The following TUBD1 variants were observed in gnomAD, a reference collection of about 807,000 sequenced individuals.
The protein encoded by TUBD1 is tubulin delta 1.
A neutral mutation model predicts 51.2 loss-of-function variants in TUBD1; 38 were observed. The ratio of observed to expected loss-of-function variants is 0.74; its 90% CI spans 0.57 to 0.97. The LOEUF is 0.97. Ranked by LOEUF, TUBD1 falls within the 50% of genes least tolerant of loss-of-function variation. TUBD1 has a pLI of 0.00. For missense variants in TUBD1, 489 were observed against 538.4 expected (o/e 0.91, Z 0.91); for synonymous variants, 169 against 178.2 (o/e 0.95, Z 0.41).
intron 5 of TUBD1, among the ~76,000 whole-genome samples, chr17:59,877,105 C>T (rs2057999106): frequency 6.6e-6 from 1 of 152,106 alleles, no homozygotes; most frequent in Admixed American, 6.6e-5. Context: ...GGTGATCCAC[C>T]CTCCTCAGCC....
chr17:59,871,474 A>G (rs2039980011), intron 6 of TUBD1, among the ~76,000 whole-genome samples: 1 of 152,172 alleles, frequency 6.6e-6, no homozygotes, highest in Non-Finnish European at 1.5e-5. Context: ...CTGGGATTAC[A>G]GGTGTGAGCC....
chr17:59,871,915 C>A (rs1003681797), intron 6 of TUBD1, among the ~76,000 whole-genome samples: 1 of 151,802 alleles, frequency 6.6e-6, no homozygotes. Context: ...CCTGCCTCAC[C>A]CTCCCAAGTA....
chr17:59,870,290 C>T (rs1268107975), intron 6 of TUBD1, among the ~76,000 whole-genome samples: 2 of 142,650 alleles, frequency 1.4e-5, no homozygotes, highest in Non-Finnish European at 3.0e-5. Context: ...GGAGGATCAC[C>T]TGAACCTGGG....
intron 3 of TUBD1, 106 bp from the exon 4 acceptor site, chr17:59,881,216 A>G (rs2040475678): frequency 5.5e-6 from 5 of 904,016 alleles, no homozygotes; most frequent in Non-Finnish European, 8.5e-6. Flanking sequence ...AAAACTACGG[A>G]AGTGAAGGAA....
At chr17:59,883,149 G>A (rs1269854980) in intron 3 of TUBD1, among the ~76,000 whole-genome samples, 5 of 151,788 alleles carry the variant, frequency 3.3e-5, no homozygotes, top group Non-Finnish European at 5.9e-5. Context: ...AAGCTGGAGT[G>A]CCGTGGCACA....
Position 59,886,575 on chromosome 17 carries a change from A to G in TUBD1, c.173-345T>C, listed in dbSNP as rs116893626. 2.3e-3 allele frequency: 328 copies of G among 145,626 alleles called. 9 individuals carry two copies. In the East Asian group the frequency reaches 0.066, roughly 29 times the overall value. 9.0% of individuals were successfully genotyped at this position (145,626 alleles called of 1,614,324 possible). A position where few individuals can be genotyped will look rare whatever the true frequency, so the allele number is the denominator to read the frequency against. Reference sequence around the variant, plus strand: ...AACCTGGAAGGCGGAGGTTGCACTGAGCCAAGGTTGCACCACTGCACTCCA... The same window carrying G: ...AACCTGGAAGGCGGAGGTTGCACTGGGCCAAGGTTGCACCACTGCACTCCA... On this transcript the variant is annotated intron_variant, in intron 2 of 8. Transcript: ENST00000325752.
chr17:59,863,662 A>T lies in TUBD1; in HGVS notation c.1259+2T>A. 8 of 1,540,072 alleles carry T rather than the reference A, an allele frequency of 5.2e-6. No individual in the cohort carries two copies. The highest frequency in any genetic ancestry group is 7.0e-6 in the Non-Finnish European group (8 of 1,150,382). On this transcript the variant is annotated splice_donor_variant, in intron 8 of 8. Transcript: ENST00000325752. LOFTEE classifies it high-confidence loss of function. ...AGGTTTGTAGACTTATTTTATACTTACTTTGAAGCAAACATATTCCATGCC... is the reference window on the plus strand; with the variant it reads ...AGGTTTGTAGACTTATTTTATACTTTCTTTGAAGCAAACATATTCCATGCC...
chr17:59,892,172 G>GT (rs1256262392), intron 1 of TUBD1, among the ~76,000 whole-genome samples: 1 of 152,176 alleles, frequency 6.6e-6, no homozygotes. Flanking sequence ...GGTAACTTTA[G>GT]TAAGACCTGT....
chr17:59,885,659 A>G, intron 3 of TUBD1: 1 of 615,836 alleles, frequency 1.6e-6, no homozygotes, highest in Non-Finnish European at 2.8e-6. Flanking sequence ...GGTTAAAAAA[A>G]CAAAACAAAA....
intron 3 of TUBD1, chr17:59,884,838 G>A (rs2040646447): frequency 6.0e-6 from 1 of 167,156 alleles, no homozygotes; most frequent in Admixed American, 6.2e-5. Flanking sequence ...CAGGATAATT[G>A]CTTGAACCCA....
intron 5 of TUBD1, among the ~76,000 whole-genome samples, chr17:59,876,348 GT>G (rs1279697643): frequency 1.5e-5 from 2 of 137,134 alleles, no homozygotes; most frequent in African/African-American, 2.7e-5. Context: ...CTAACTGTTT[GT>G]TTTTTTTTTG....
intron 6 of TUBD1, among the ~76,000 whole-genome samples, chr17:59,867,953 A>T (rs2039783386): frequency 6.6e-6 from 1 of 151,830 alleles, no homozygotes; most frequent in African/African-American, 2.4e-5. Flanking sequence ...ATAACATCAC[A>T]AAAGGTCACA....
chr17:59,860,303 C>G lies in TUBD1; in HGVS notation c.*19G>C. 6.5e-7 allele frequency: 1 copy of G among 1,532,880 alleles called. No individual in the cohort carries two copies. Among genetic ancestry groups the G allele is most frequent in the Non-Finnish European group, 9.0e-7 (1 of 1,114,924 alleles). The allele number at this position is 1,532,880 out of a possible 1,614,324, so 95.0% of individuals were successfully genotyped here. A position where few individuals can be genotyped will look rare whatever the true frequency, so the allele number is the denominator to read the frequency against. ...TAGTCCAGAAATGCCTTAAGGTATA[C>G]TTTTCCCATTGTTCAAGATCAGAGA... On this transcript the variant is annotated 3_prime_UTR_variant, in exon 9 of 9. Transcript: ENST00000325752.
intron 3 of TUBD1, among the ~76,000 whole-genome samples, chr17:59,883,330 T>C (rs1395578680): frequency 6.6e-6 from 1 of 151,420 alleles, no homozygotes; most frequent in African/African-American, 2.4e-5. Context: ...AGTGCAATGG[T>C]GTGACCTTGG....
intron 3 of TUBD1, chr17:59,885,579 C>T: frequency 8.3e-7 from 1 of 1,205,190 alleles, no homozygotes; most frequent in Non-Finnish European, 1.2e-6. Context: ...GCTTTTGTGC[C>T]CTCTAACTAG....
At chr17:59,872,600 C>G (rs1404571638) in intron 6 of TUBD1, among the ~76,000 whole-genome samples, 1 of 151,926 alleles carries the variant, frequency 6.6e-6, no homozygotes, top group African/African-American at 2.4e-5. Flanking sequence ...TGATCTAACT[C>G]CCAAGTATGT....
chr17:59,884,710 C>T (rs2040639840), intron 3 of TUBD1: 1 of 152,742 alleles, frequency 6.5e-6, no homozygotes, highest in African/African-American at 2.4e-5. Flanking sequence ...CACTGGAGGC[C>T]AGGAGTTCCA....
At chr17:59,882,789 CT>C (rs959009765) in intron 3 of TUBD1, among the ~76,000 whole-genome samples, 2,242 of 143,752 alleles carry the variant, frequency 0.016, 34 homozygotes, top group African/African-American at 0.045. Flanking sequence ...TAATTTCTTT[CT>C]TTTTTTTTTT....
Position 59,878,132 on chromosome 17 carries a change from C to T in TUBD1, c.740G>A (p.Ser247Asn), listed in dbSNP as rs1568308875. Reference sequence around the variant, plus strand: ...TGGATTTCGTCTGTAGTGAAATGAGCTTTCTGCAGAATAAGTAGGCTGGAA... The same window carrying T: ...TGGATTTCGTCTGTAGTGAAATGAGTTTTCTGCAGAATAAGTAGGCTGGAA... ...SVFQPTYSAE[S>N]SFHYRRNPLG... Residue 247 changes from serine (S) to asparagine (N), a missense_variant, in exon 5 of 9, where the codon AGC becomes AAC. Ser to Asn is a conservative substitution (Grantham distance 46). Transcript: ENST00000325752. 11 of 1,613,986 alleles carry T rather than the reference C, an allele frequency of 6.8e-6. No homozygotes were observed. Among genetic ancestry groups the T allele is most frequent in the African/African-American group, 1.3e-5 (1 of 74,924 alleles).
Sources: allele counts gnomAD v4.1 joint callset (sites outside exome capture counted in the v4.1 genomes callset), GRCh38; gene constraint gnomAD v4.1.1; transcripts MANE v1.5; gene names NCBI Gene and HGNC (gene_info 2026-07-23, HGNC 2026-07-21).